Variants in NUP62CL observed in about 807,000 individuals in gnomAD.
The protein encoded by NUP62CL is nucleoporin-62 C-terminal-like protein.
In NUP62CL, 13 loss-of-function variants were observed where a neutral mutation model predicts 15.3. The observed-to-expected ratio is 0.85, with a 90% CI of 0.55 to 1.35. NUP62CL has a LOEUF of 1.35. Ranked by LOEUF, NUP62CL falls within the 40% of genes most tolerant of loss-of-function variation. NUP62CL has a pLI of 0.00. For missense variants in NUP62CL, 123 were observed against 130.6 expected, an observed-to-expected ratio of 0.94 and a Z score of 0.28; for synonymous variants, 54 against 49.2, an observed-to-expected ratio of 1.10 and a Z score of -0.41.
At chrX:107,204,820 ATTT>A (rs1293940101) in intron 1 of NUP62CL, among the ~76,000 whole-genome samples, 12 of 83,780 alleles carry the variant, frequency 1.4e-4, no homozygotes, top group African/African-American at 3.1e-4. Context: ...TAAATAAATT[ATTT>A]AAATAAATTT....
At chrX:107,177,390 C>A (rs1292669098) in intron 2 of NUP62CL, among the ~76,000 whole-genome samples, 1 of 111,293 alleles carries the variant, frequency 9.0e-6, no homozygotes, top group Non-Finnish European at 1.9e-5. Flanking sequence ...CAAAGATGGC[C>A]TAATACCCAG....
intron 4 of NUP62CL, among the ~76,000 whole-genome samples, chrX:107,157,927 G>A (rs897430959): frequency 9.2e-6 from 1 of 108,330 alleles, no homozygotes; most frequent in Non-Finnish European, 1.9e-5. Context: ...TAAAAGGATG[G>A]AGGAAGATCT....
chrX:107,173,352 A>G (rs949607377), intron 3 of NUP62CL, among the ~76,000 whole-genome samples: 2 of 112,303 alleles, frequency 1.8e-5, no homozygotes, highest in Non-Finnish European at 3.8e-5. Flanking sequence ...AAAACTAAAT[A>G]CAGTGATGGT....
At chrX:107,127,894 G>A (rs760685384) in intron 8 of NUP62CL, among the ~76,000 whole-genome samples, 3 of 111,759 alleles carry the variant, frequency 2.7e-5, no homozygotes, top group African/African-American at 9.7e-5. Flanking sequence ...TTAGTAACCA[G>A]AGGAATGCAA....
chrX:107,139,957 G>C (rs1925727053), intron 8 of NUP62CL, among the ~76,000 whole-genome samples: 1 of 111,511 alleles, frequency 9.0e-6, no homozygotes, highest in African/African-American at 3.3e-5. Flanking sequence ...TAATGTACCT[G>C]AATTCCTAGT....
chrX:107,162,010 A>C (rs2147804095), intron 4 of NUP62CL, among the ~76,000 whole-genome samples: 1 of 109,636 alleles, frequency 9.1e-6, no homozygotes, highest in African/African-American at 3.3e-5. Context: ...AAATGAAAAA[A>C]ACAGAAAATC....
rs565299807 is a variant in NUP62CL, at chrX:107,127,325, C to T, written c.*43-2993G>A. On this transcript the variant is annotated intron_variant, in intron 8 of 8. Transcript: ENST00000372466. ...AGAAATGGGGAATAACTGCAAATGGCCAAGAGAAAATTTTGGCGGTAAAAA... is the reference window on the plus strand; with the variant it reads ...AGAAATGGGGAATAACTGCAAATGGTCAAGAGAAAATTTTGGCGGTAAAAA... Among the ~76,000 whole-genome samples, 6 of 111,512 alleles carry T rather than the reference C, an allele frequency of 5.4e-5. No individual in the cohort carries two copies. In the South Asian group the frequency reaches 1.9e-3, roughly 35 times the overall value.
chrX:107,152,157 TATATATATATTCAG>T (rs1448266053), intron 7 of NUP62CL, among the ~76,000 whole-genome samples: 5 of 90,965 alleles, frequency 5.5e-5, no homozygotes, highest in Non-Finnish European at 8.4e-5. Flanking sequence ...TTCAGATATA[TATATATATATTCAG>T]ATATATATAT....
intron 8 of NUP62CL, among the ~76,000 whole-genome samples, chrX:107,141,876 C>G (rs1355583324): frequency 9.1e-6 from 1 of 109,403 alleles, no homozygotes; most frequent in Non-Finnish European, 1.9e-5. Context: ...CTGGCCAACA[C>G]CATGAAACCC....
chrX:107,182,574 A>C (rs72618352), intron 2 of NUP62CL, among the ~76,000 whole-genome samples: 1 of 64,595 alleles, frequency 1.5e-5, no homozygotes, highest in African/African-American at 9.5e-5. Context: ...ACTACAAGAT[A>C]GGGGGGGCAT....
At chrX:107,179,708 A>G (rs1386593795) in intron 2 of NUP62CL, among the ~76,000 whole-genome samples, 1 of 111,802 alleles carries the variant, frequency 8.9e-6, no homozygotes, top group Non-Finnish European at 1.9e-5. Context: ...TTTTTTATAT[A>G]CTGGTTTCTT....
chrX:107,194,807 CTCTCTTTT>C (rs533862643), intron 1 of NUP62CL, among the ~76,000 whole-genome samples: 16,415 of 88,998 alleles, frequency 0.18, 1,044 homozygotes, highest in East Asian at 0.3. Context: ...TCTTTTCTTT[CTCTCTTTT>C]TTTTTTTTTT....
intron 1 of NUP62CL, among the ~76,000 whole-genome samples, chrX:107,196,551 C>G (rs775464816): frequency 8.9e-6 from 1 of 112,376 alleles, no homozygotes; most frequent in African/African-American, 3.2e-5. Flanking sequence ...AAGTGATTCT[C>G]CTGCCTCAGC....
chrX:107,125,049 G>T (rs144283335), intron 8 of NUP62CL, among the ~76,000 whole-genome samples: 1 of 111,248 alleles, frequency 9.0e-6, no homozygotes, highest in Non-Finnish European at 1.9e-5. Flanking sequence ...TTTAAACTGC[G>T]CAAGTTCACT....
chrX:107,199,616 C>T, intron 1 of NUP62CL, among the ~76,000 whole-genome samples: 1 of 112,009 alleles, frequency 8.9e-6, no homozygotes, highest in Non-Finnish European at 1.9e-5. Context: ...CCCTAAACCG[C>T]CTAGTTATTG....
At chrX:107,186,822 C>T (rs1216359426) in intron 2 of NUP62CL, among the ~76,000 whole-genome samples, 4 of 111,189 alleles carry the variant, frequency 3.6e-5, no homozygotes, top group African/African-American at 1.3e-4. Flanking sequence ...TGCTTGAATG[C>T]GGGAGGCGGA....
chrX:107,183,844 T>G (rs772752368), intron 2 of NUP62CL, among the ~76,000 whole-genome samples: 2 of 111,010 alleles, frequency 1.8e-5, no homozygotes, highest in East Asian at 5.7e-4. Context: ...GAGGCTATAA[T>G]AAGGCATCCC....
Position 107,153,487 on chromosome X carries a change from C to G in NUP62CL, c.362G>C (p.Gly121Ala). 8.8e-7 allele frequency: 1 copy of G among 1,138,026 alleles called. No individual in the cohort carries two copies. The highest frequency in any genetic ancestry group is 2.9e-5 in the Admixed American group (1 of 34,995). 93.8% of individuals were successfully genotyped at this position (1,138,026 alleles called of 1,213,427 possible). A position where few individuals can be genotyped will look rare whatever the true frequency, so the allele number is the denominator to read the frequency against. The change falls in exon 6 of 9, where the codon GGA becomes GCA. Residue 121 changes from glycine to alanine, a missense_variant. Gly to Ala is a moderately conservative substitution (Grantham distance 60). Transcript: ENST00000372466. ...ENGEMIRILH[G>A]EVNKVKLDQK... The stretch of plus-strand genomic sequence containing the variant: ...ATCCAGTTTCACTTTGTTCACTTCT[C>G]CATGTAAAATACGAATCTATAAAGA...
chrX:107,128,953 A>T (rs956349362), intron 8 of NUP62CL, among the ~76,000 whole-genome samples: 1 of 111,798 alleles, frequency 8.9e-6, no homozygotes, highest in Non-Finnish European at 1.9e-5. Flanking sequence ...CTTTATCAAG[A>T]TCATCTTGAC....
Sources: gnomAD v4.1 joint callset for allele counts (sites outside exome capture counted in the v4.1 genomes callset) on GRCh38, gnomAD v4.1.1 for gene constraint, MANE v1.5 for transcripts, NCBI Gene and HGNC (gene_info 2026-07-23, HGNC 2026-07-21) for gene names.